The following ULK4 variants were observed in gnomAD, a reference collection of about 807,000 sequenced individuals.
The protein encoded by ULK4 is inactive serine/threonine-protein kinase ULK4.
A neutral mutation model predicts 160.6 loss-of-function variants in ULK4; 133 were observed. The observed-to-expected ratio is 0.83, with a 90% CI of 0.72 to 0.96. ULK4 has a LOEUF of 0.96. ULK4 is among the 40% of genes least tolerant of loss of function. The pLI is 0.00. For synonymous variants in ULK4, 534 were observed against 539.8 expected, an observed-to-expected ratio of 0.99 and a Z score of 0.15; for missense variants, 1,580 against 1,499.5, an observed-to-expected ratio of 1.05 and a Z score of -0.89.
chr3:41,518,547 G>A (rs2085824952), intron 32 of ULK4, among the ~76,000 whole-genome samples: 1 of 152,116 alleles, frequency 6.6e-6, no homozygotes, highest in African/African-American at 2.4e-5. Flanking sequence ...CCTCTATAAA[G>A]TTTTATTACT....
intron 21 of ULK4, among the ~76,000 whole-genome samples, chr3:41,775,231 AAAAAT>A (rs2039563832): frequency 6.6e-6 from 1 of 150,614 alleles, no homozygotes; most frequent in African/African-American, 2.5e-5. Context: ...TAAAAGTAAT[AAAAAT>A]AAAAGAAATA....
At chr3:41,807,977 T>C (rs1394183540) in intron 19 of ULK4, among the ~76,000 whole-genome samples, 1 of 152,182 alleles carries the variant, frequency 6.6e-6, no homozygotes, top group Non-Finnish European at 1.5e-5. Context: ...CATCCGCCCT[T>C]GGGGACAGGC....
intron 35 of ULK4, among the ~76,000 whole-genome samples, chr3:41,342,632 C>T (rs373456059): frequency 5.9e-5 from 9 of 152,166 alleles, no homozygotes; most frequent in South Asian, 4.1e-4. Context: ...GAAACTATTC[C>T]AAAAAATTGA....
chr3:41,251,737 G>A (rs2078746696), intron 35 of ULK4, among the ~76,000 whole-genome samples: 1 of 152,322 alleles, frequency 6.6e-6, no homozygotes, highest in African/African-American at 2.4e-5. Flanking sequence ...GCCAGCAAGA[G>A]GAGCCTGCAA....
chr3:41,808,785 T>C (rs1037841371), intron 19 of ULK4, among the ~76,000 whole-genome samples: 2 of 152,208 alleles, frequency 1.3e-5, no homozygotes, highest in East Asian at 3.8e-4. Flanking sequence ...TTTGTTTACC[T>C]TGCTGGACAA....
intron 22 of ULK4, among the ~76,000 whole-genome samples, chr3:41,732,040 A>G (rs899211723): frequency 1.3e-5 from 2 of 152,186 alleles, no homozygotes; most frequent in African/African-American, 4.8e-5. Flanking sequence ...CTAGAAGAAT[A>G]CATAGGGAAA....
intron 35 of ULK4, among the ~76,000 whole-genome samples, chr3:41,254,325 A>G (rs1350763922): frequency 6.6e-6 from 1 of 152,238 alleles, no homozygotes; most frequent in Non-Finnish European, 1.5e-5. Flanking sequence ...TAAACTAGCA[A>G]TTAATAACCA....
chr3:41,929,187 AT>A (rs1699492819), intron 5 of ULK4, among the ~76,000 whole-genome samples: 1 of 152,220 alleles, frequency 6.6e-6, no homozygotes, highest in Non-Finnish European at 1.5e-5. Context: ...CTGGTTCAAC[AT>A]ACACAAATCA....
rs76379026 is a variant in ULK4 at position 41,326,814 on chromosome 3, A to G, written c.3678+71265T>C. The stretch of plus-strand genomic sequence containing the variant: ...CACTTTCAGAGGGACACAGTAAAAG[A>G]CACAGAAGACAGGGACATCCATTAG... On this transcript the variant is annotated intron_variant, in intron 35 of 36. Transcript: ENST00000301831. 2.2e-3 allele frequency among the ~76,000 whole-genome samples: 333 copies of G among 152,306 alleles called. 1 individual carries two copies. The highest frequency in any genetic ancestry group is 0.016 in the East Asian group (81 of 5,182).
At chr3:41,429,337 G>A (rs1439531694) in intron 34 of ULK4, among the ~76,000 whole-genome samples, 4 of 152,302 alleles carry the variant, frequency 2.6e-5, no homozygotes, top group East Asian at 1.9e-4. Context: ...GGAAGATGGC[G>A]TGATGATTCC....
chr3:41,672,891 C>T (rs2035585186), intron 29 of ULK4, among the ~76,000 whole-genome samples: 1 of 152,126 alleles, frequency 6.6e-6, no homozygotes, highest in South Asian at 2.1e-4. Context: ...GGCTGGAGTA[C>T]AGTGGCACAA....
At chr3:41,534,118 T>C (rs761823274) in intron 32 of ULK4, among the ~76,000 whole-genome samples, 12 of 152,252 alleles carry the variant, frequency 7.9e-5, no homozygotes, top group Admixed American at 2.6e-4. Context: ...AAGTACACTT[T>C]CTTTATTCTT....
intron 35 of ULK4, among the ~76,000 whole-genome samples, chr3:41,318,464 T>C (rs1486135937): frequency 6.6e-6 from 1 of 152,206 alleles, no homozygotes; most frequent in Non-Finnish European, 1.5e-5. Flanking sequence ...ACTTCAGTTT[T>C]CTTAAGTATA....
intron 31 of ULK4, among the ~76,000 whole-genome samples, chr3:41,611,977 C>G (rs1450329304): frequency 1.3e-5 from 2 of 151,818 alleles, no homozygotes; most frequent in Admixed American, 6.6e-5. Flanking sequence ...ATCTGTGCAT[C>G]TGACCAACCA....
intron 35 of ULK4, among the ~76,000 whole-genome samples, chr3:41,334,717 C>T (rs2080518037): frequency 6.6e-6 from 1 of 152,168 alleles, no homozygotes; most frequent in Non-Finnish European, 1.5e-5. Flanking sequence ...TTGAAGTGTA[C>T]TGCCTACAGA....
chr3:41,306,923 T>C (rs1299803249), intron 35 of ULK4, among the ~76,000 whole-genome samples: 1 of 151,486 alleles, frequency 6.6e-6, no homozygotes, highest in Non-Finnish European at 1.5e-5. Flanking sequence ...CAAGATGTGC[T>C]TTGTTAAACA....
intron 22 of ULK4, among the ~76,000 whole-genome samples, chr3:41,746,270 C>CAA (rs2038415374): frequency 2.0e-5 from 1 of 50,194 alleles, no homozygotes; most frequent in South Asian, 4.9e-4. Flanking sequence ...TCCTGGAACC[C>CAA]ACAAAAAAAA....
At chr3:41,299,353 T>C (rs1018558616) in intron 35 of ULK4, among the ~76,000 whole-genome samples, 3 of 152,186 alleles carry the variant, frequency 2.0e-5, no homozygotes, top group Admixed American at 6.5e-5. Flanking sequence ...GAGCACAGCA[T>C]TCAACCCCTA....
chr3:41,576,931 GA>G (rs1474031288), intron 31 of ULK4, among the ~76,000 whole-genome samples: 1 of 152,064 alleles, frequency 6.6e-6, no homozygotes, highest in African/African-American at 2.4e-5. Context: ...TGTCCCACAC[GA>G]AAGAAAGAAA....
Sources: allele counts gnomAD v4.1 joint callset (sites outside exome capture counted in the v4.1 genomes callset), GRCh38; gene constraint gnomAD v4.1.1; transcripts MANE v1.5; gene names NCBI Gene and HGNC (gene_info 2026-07-23, HGNC 2026-07-21).